The following EIF2S1 variants were observed in gnomAD, a reference collection of about 807,000 sequenced individuals.
EIF2S1 encodes eukaryotic translation initiation factor 2 subunit alpha, also known as eukaryotic translation initiation factor 2 subunit 1.
In EIF2S1, 5 loss-of-function variants were observed where a neutral mutation model predicts 33.5. That is an observed-to-expected ratio of 0.15 (90% CI 0.08 to 0.31). EIF2S1 has a LOEUF of 0.31. Among genes scored for constraint, EIF2S1 ranks in the 10% least tolerant of loss-of-function variants. EIF2S1 has a pLI of 1.00. For missense variants in EIF2S1, 191 were observed against 384.6 expected (o/e 0.50, Z 4.21); for synonymous variants, 99 against 127.5 (o/e 0.78, Z 1.51).
chr14:67,374,426 G>T, intron 2 of EIF2S1, 42 bp from the exon 3 acceptor site: 2 of 1,277,366 alleles, frequency 1.6e-6, no homozygotes, highest in Middle Eastern at 1.9e-4. Flanking sequence ...TAGTACAGTG[G>T]CATCTGGACA....
At position 67,385,226 on chromosome 14, in the gene EIF2S1, A is replaced by T. The variant is rs3248; in HGVS notation, c.*1786A>T. On this transcript the variant is annotated 3_prime_UTR_variant, in exon 8 of 8. Coordinates refer to ENST00000256383, the MANE Select transcript of EIF2S1 (RefSeq NM_004094.5). ...AAAAGACAGCAGGGACAAGATACAT[A>T]TGAGGACAAGGTATACACCCAGTTC... The T allele has an allele frequency of 6.6e-6, 1 of 152,216 alleles. No homozygotes were observed. Among genetic ancestry groups the T allele is most frequent in the Admixed American group, 6.5e-5 (1 of 15,282 alleles). The allele number at this position is 152,216 out of a possible 1,614,324, so 9.4% of individuals were successfully genotyped here.
In EIF2S1 at chr14:67,384,652, G is replaced by A. The variant is rs967827292; in HGVS notation, c.*1212G>A. 4.6e-5 allele frequency: 7 copies of A among 152,172 alleles called. No individual in the cohort carries two copies. The highest frequency in any genetic ancestry group is 1.7e-4 in the African/African-American group (7 of 41,430). 9.4% of individuals were successfully genotyped at this position (152,172 alleles called of 1,614,324 possible). On this transcript the variant is annotated 3_prime_UTR_variant, in exon 8 of 8. Coordinates refer to ENST00000256383, the MANE Select transcript of EIF2S1 (RefSeq NM_004094.5). ...AGACTAGACTACTCAATATTAAAGG[G>A]TCTGGAAAATAGAAGAGTGTGTTGG...
rs1016006598 is a variant in EIF2S1 at position 67,366,548 on chromosome 14, A to G, written c.241+1540A>G. 2.6e-5 allele frequency among the ~76,000 whole-genome samples: 4 copies of G among 152,328 alleles called. No individual in the cohort carries two copies. In the East Asian group the frequency reaches 7.7e-4, roughly 29 times the overall value. On this transcript the variant is annotated intron_variant, in intron 2 of 7. Coordinates refer to ENST00000256383, the MANE Select transcript of EIF2S1 (RefSeq NM_004094.5). ...AAACCAGGAAATGACCAAAATGGGG[A>G]CTGGTTAAATAAATCAGTACAAATG... is the stretch of plus-strand genomic sequence containing the variant.
chr14:67,382,323 T>G lies in EIF2S1; in HGVS notation c.679-124T>G. ...TGTAGGACCCTAAATTACTGTCCTG[T>G]AGAATTGGCAATTACGTTTTGGGGT... is the stretch of plus-strand genomic sequence containing the variant. On this transcript the variant is annotated intron_variant, in intron 6 of 7. Transcript: ENST00000256383. 6 of 805,816 alleles carry G rather than the reference T, an allele frequency of 7.4e-6. No individual in the cohort carries two copies. The South Asian group carries it at 1.1e-4, about 15-fold the overall frequency. The allele number at this position is 805,816 out of a possible 1,614,324, so 49.9% of individuals were successfully genotyped here.
At chr14:67,376,719 A>G in intron 4 of EIF2S1, 129 bp downstream of exon 4, 1 of 912,260 alleles carries the variant, frequency 1.1e-6, no homozygotes, top group South Asian at 1.7e-5. Context: ...TGGCCAGTAA[A>G]TGGGCCAATC....
In EIF2S1 at chr14:67,385,200, TAA is replaced by T. The variant is rs2085913854; in HGVS notation, c.*1763_*1764del. 6.6e-6 allele frequency: 1 copy of T among 152,142 alleles called. No individual in the cohort carries two copies. The highest frequency in any genetic ancestry group is 1.5e-5 in the Non-Finnish European group (1 of 68,034). 9.4% of individuals were successfully genotyped at this position (152,142 alleles called of 1,614,324 possible). On this transcript the variant is annotated 3_prime_UTR_variant, in exon 8 of 8. Coordinates refer to ENST00000256383, the MANE Select transcript of EIF2S1 (RefSeq NM_004094.5). ...AAAGTATTCATACACCTTGCTAACC[TAA>T]AAGACAGCAGGGACAAGATACATAT... is the stretch of plus-strand genomic sequence containing the variant.
At position 67,382,569 on chromosome 14, in the gene EIF2S1, T is replaced by A. The variant is rs1180522817; in HGVS notation, c.801T>A (p.Gly267=). 6.2e-7 allele frequency: 1 copy of A among 1,613,078 alleles called. No individual in the cohort carries two copies. The highest frequency in any genetic ancestry group is 8.5e-7 in the Non-Finnish European group (1 of 1,179,752). The change falls in exon 7 of 8, where the codon GGT becomes GGA. Residue 267 remains glycine, a synonymous_variant. Coordinates refer to ENST00000256383, the MANE Select transcript of EIF2S1 (RefSeq NM_004094.5). ...VIKEKIEEKR[G]VFNVQMEPKV... ...AAGAGAAGATTGAGGAAAAGAGGGG[T>A]GTGTTCAATGTTCAAATGGAGGTGA...
chr14:67,378,128 A>G, intron 4 of EIF2S1, among the ~76,000 whole-genome samples: 1 of 151,318 alleles, frequency 6.6e-6, no homozygotes, highest in Non-Finnish European at 1.5e-5. Flanking sequence ...GTCTCTTAAA[A>G]AAAAAAAAAA....
intron 1 of EIF2S1, 149 bp from the exon 2 acceptor site, chr14:67,364,618 C>A: frequency 1.4e-6 from 1 of 720,798 alleles, no homozygotes; most frequent in Non-Finnish European, 2.1e-6. Context: ...TTTCTGGTAC[C>A]ACTTAAGAAG....
chr14:67,383,364 A>G lies in EIF2S1; in HGVS notation c.872A>G (p.Glu291Gly). The G allele has an allele frequency of 6.2e-7, 1 of 1,613,790 alleles. No individual in the cohort carries two copies. The highest frequency in any genetic ancestry group is 1.1e-5 in the South Asian group (1 of 91,076). The change falls in exon 8 of 8, where the codon GAG becomes GGG. Residue 291 changes from glutamate (E) to glycine (G), a missense_variant. Glu to Gly is a moderately conservative substitution (Grantham distance 98). Coordinates refer to ENST00000256383, the MANE Select transcript of EIF2S1 (RefSeq NM_004094.5). The part of the protein sequence containing the change: ...TDETELARQM[E>G]RLERENAEVD... ...GAGACTGAACTTGCGAGGCAGATGG[A>G]GAGGCTTGAAAGAGAAAATGCCGAA... is the stretch of plus-strand genomic sequence containing the variant.
chr14:67,365,095 C>A, intron 2 of EIF2S1, 87 bp downstream of exon 2: 4 of 1,353,212 alleles, frequency 3.0e-6, no homozygotes, highest in South Asian at 1.6e-5. Flanking sequence ...CAAGCTGCAG[C>A]TTAAAAAAAA....
intron 2 of EIF2S1, among the ~76,000 whole-genome samples, chr14:67,371,173 C>T (rs1218698528): frequency 1.3e-5 from 2 of 151,892 alleles, no homozygotes; most frequent in Non-Finnish European, 2.9e-5. Context: ...CCAGCAATTT[C>T]GGATGCTGAG....
rs898666804 is a variant in EIF2S1 at position 67,380,786 on chromosome 14, T to C, written c.580+21T>C. 9 of 1,392,442 alleles carry C rather than the reference T, an allele frequency of 6.5e-6. No homozygotes were observed. In the African/African-American group the frequency reaches 8.9e-5, roughly 14 times the overall value. The allele number at this position is 1,392,442 out of a possible 1,614,324, so 86.3% of individuals were successfully genotyped here. ...AGCAGGTAAATGATTTTTTAAATGATTTTTACAGTATTTTGCATGCATCAA... is the reference window on the plus strand; with the variant it reads ...AGCAGGTAAATGATTTTTTAAATGACTTTTACAGTATTTTGCATGCATCAA... On this transcript the variant is annotated intron_variant, in intron 5 of 7. Transcript: ENST00000256383.
rs1178640972 is a variant in EIF2S1, at chr14:67,382,473, T to C, written c.705T>C (p.Tyr235=). 2 of 1,613,728 alleles carry C rather than the reference T, an allele frequency of 1.2e-6. No individual in the cohort carries two copies. Among genetic ancestry groups the C allele is most frequent in the Admixed American group, 1.7e-5 (1 of 60,010 alleles). Reference sequence around the variant, plus strand: ...TTAATCTAATAGCTCCTCCTCGGTATGTAATGACTACGACAACCCTGGAGA... The same window carrying C: ...TTAATCTAATAGCTCCTCCTCGGTACGTAATGACTACGACAACCCTGGAGA... ...IKINLIAPPR[Y]VMTTTTLERT... Residue 235 remains tyrosine, a synonymous_variant, in exon 7 of 8, where the codon TAT becomes TAC. Coordinates refer to ENST00000256383, the MANE Select transcript of EIF2S1 (RefSeq NM_004094.5).
At chr14:67,378,999 C>T (rs2085872202) in intron 4 of EIF2S1, among the ~76,000 whole-genome samples, 2 of 152,162 alleles carry the variant, frequency 1.3e-5, no homozygotes, top group East Asian at 1.9e-4. Flanking sequence ...TGCATTTTTA[C>T]ATATAAGCCT....
At position 67,383,663 on chromosome 14, in the gene EIF2S1, T is replaced by A; in HGVS notation, c.*223T>A. The A allele has an allele frequency of 2.0e-6, 1 of 490,442 alleles. No individual in the cohort carries two copies. The highest frequency in any genetic ancestry group is 3.6e-6 in the Non-Finnish European group (1 of 275,640). 30.4% of individuals were successfully genotyped at this position (490,442 alleles called of 1,614,324 possible). On this transcript the variant is annotated 3_prime_UTR_variant, in exon 8 of 8. Coordinates refer to ENST00000256383, the MANE Select transcript of EIF2S1 (RefSeq NM_004094.5). ...TTTGAGCATTTTTAAGGGAGTGGCC[T>A]CATTTCACTAGAGACAAATCTTTAA...
At chr14:67,372,552 T>C (rs1004280510) in intron 2 of EIF2S1, among the ~76,000 whole-genome samples, 3 of 152,214 alleles carry the variant, frequency 2.0e-5, no homozygotes, top group Non-Finnish European at 4.4e-5. Context: ...GTATCTAGGC[T>C]GGGAGCGGTG....
chr14:67,366,915 G>A (rs566758040), intron 2 of EIF2S1, among the ~76,000 whole-genome samples: 1 of 145,896 alleles, frequency 6.9e-6, no homozygotes, highest in Admixed American at 7.0e-5. Context: ...AGGCAGCTAA[G>A]GTTCTAGCAG....
Position 67,374,494 on chromosome 14 carries a change from G to A in EIF2S1, c.268G>A (p.Val90Ile). 6.2e-7 allele frequency: 1 copy of A among 1,606,254 alleles called. No homozygotes were observed. Among genetic ancestry groups the A allele is most frequent in the Non-Finnish European group, 8.5e-7 (1 of 1,175,604 alleles). ...ATATATTGATTTGTCAAAAAGAAGA[G>A]TTTCTCCAGAGGAAGCAATCAAATG... ...KGYIDLSKRRVSPEEAIKCED... is the reference protein window; with the variant it reads ...KGYIDLSKRRISPEEAIKCED... Residue 90 changes from valine (V) to isoleucine (I), a missense_variant, in exon 3 of 8, where the codon GTT (valine) becomes ATT (isoleucine). Transcript: ENST00000256383.
Sources: gnomAD v4.1 joint callset for allele counts (sites outside exome capture counted in the v4.1 genomes callset) on GRCh38, gnomAD v4.1.1 for gene constraint, MANE v1.5 for transcripts, NCBI Gene and HGNC (gene_info 2026-07-23, HGNC 2026-07-21) for gene names.